Variants in NFIA observed in about 807,000 individuals in gnomAD.
The protein encoded by NFIA is nuclear factor 1 A-type.
Under a neutral mutation model 62.8 loss-of-function variants are expected in NFIA, and 8 were observed. The ratio of observed to expected loss-of-function variants is 0.13; its 90% CI spans 0.07 to 0.23. The LOEUF is 0.23. Ranked by LOEUF, NFIA falls within the 10% of genes least tolerant of loss-of-function variation. NFIA has a pLI of 1.00. For synonymous variants in NFIA, 235 were observed against 238.1 expected, an observed-to-expected ratio of 0.99 and a Z score of 0.12; for missense variants, 410 against 642.1, an observed-to-expected ratio of 0.64 and a Z score of 3.91.
chr1:61,432,436 A>G lies in NFIA; in HGVS notation c.1512+5880A>G, dbSNP rs181795229. Among the ~76,000 whole-genome samples the G allele has an allele frequency of 6.6e-4, 101 of 151,910 alleles. 1 individual carries two copies. Among genetic ancestry groups the G allele is most frequent in the Non-Finnish European group, 1.2e-3 (84 of 67,958 alleles). ...CCCACCCAAGCTCACTTGAGATTGCATTTCAGTTAGCTGACGCCATTCCCG... is the reference window on the plus strand; with the variant it reads ...CCCACCCAAGCTCACTTGAGATTGCGTTTCAGTTAGCTGACGCCATTCCCG... On this transcript the variant is annotated intron_variant, in intron 10 of 10. Coordinates refer to ENST00000403491, the MANE Select transcript of NFIA (RefSeq NM_001134673.4).
chr1:61,125,964 A>C (rs762653001), intron 2 of NFIA, among the ~76,000 whole-genome samples: 4 of 152,142 alleles, frequency 2.6e-5, no homozygotes, highest in Admixed American at 2.0e-4. Flanking sequence ...GTTTGCAGGA[A>C]CTCGTGTTGA....
chr1:61,084,514 A>G (rs563623722), intron 1 of NFIA, among the ~76,000 whole-genome samples: 2 of 152,302 alleles, frequency 1.3e-5, no homozygotes, highest in African/African-American at 2.4e-5. Flanking sequence ...ACTTCTGGCA[A>G]GGTTCACAAT....
intron 3 of NFIA, among the ~76,000 whole-genome samples, chr1:61,325,644 C>T (rs537265149): frequency 2.0e-5 from 3 of 152,158 alleles, no homozygotes; most frequent in Admixed American, 6.5e-5. Flanking sequence ...GAAGGCTAGG[C>T]GTGGTGGCTC....
chr1:61,146,160 C>T (rs1647924340), intron 2 of NFIA, among the ~76,000 whole-genome samples: 1 of 152,192 alleles, frequency 6.6e-6, no homozygotes, highest in African/African-American at 2.4e-5. Context: ...GCTCCGCTTC[C>T]TTCTCCTGGA....
At chr1:61,391,812 A>G (rs61770545) in intron 7 of NFIA, among the ~76,000 whole-genome samples, 2,421 of 152,284 alleles carry the variant, frequency 0.016, 26 homozygotes, top group Middle Eastern at 0.024. Context: ...CTCTTAGGAA[A>G]GCTTTTAACT....
At chr1:61,135,749 T>C (rs1647171559) in intron 2 of NFIA, among the ~76,000 whole-genome samples, 1 of 152,210 alleles carries the variant, frequency 6.6e-6, no homozygotes, top group Non-Finnish European at 1.5e-5. Flanking sequence ...ATATTGTTAG[T>C]GTTGACCACC....
intron 3 of NFIA, among the ~76,000 whole-genome samples, chr1:61,289,038 G>A (rs767168651): frequency 6.6e-6 from 1 of 152,166 alleles, no homozygotes; most frequent in African/African-American, 2.4e-5. Flanking sequence ...TCAAAGTGCT[G>A]GGGTCACAGG....
At chr1:61,321,073 G>A (rs995451554) in intron 3 of NFIA, among the ~76,000 whole-genome samples, 3 of 151,670 alleles carry the variant, frequency 2.0e-5, no homozygotes, top group Admixed American at 1.3e-4. Context: ...ATTCAAAACC[G>A]GGTTAATTAA....
chr1:61,436,162 A>G (rs1020757174), intron 10 of NFIA, among the ~76,000 whole-genome samples: 1 of 152,162 alleles, frequency 6.6e-6, no homozygotes, highest in Non-Finnish European at 1.5e-5. Flanking sequence ...TCTGTGAAAC[A>G]GTGCCCCCTG....
chr1:61,425,153 G>A (rs1666809545), intron 9 of NFIA, among the ~76,000 whole-genome samples: 1 of 152,192 alleles, frequency 6.6e-6, no homozygotes, highest in African/African-American at 2.4e-5. Flanking sequence ...ACATCCATGT[G>A]ACCATTGCAG....
chr1:61,220,955 A>G (rs550229263), intron 2 of NFIA, among the ~76,000 whole-genome samples: 3 of 152,342 alleles, frequency 2.0e-5, no homozygotes, highest in South Asian at 4.1e-4. Context: ...AGATACTTGC[A>G]GTGTGAATAC....
At chr1:61,173,449 G>A (rs1421903519) in intron 2 of NFIA, among the ~76,000 whole-genome samples, 3 of 152,042 alleles carry the variant, frequency 2.0e-5, no homozygotes, top group South Asian at 4.2e-4. Context: ...GTGCAGTGGC[G>A]TGATCTCGGC....
intron 2 of NFIA, among the ~76,000 whole-genome samples, chr1:61,106,938 A>C (rs1167329195): frequency 1.3e-5 from 2 of 149,974 alleles, no homozygotes; most frequent in African/African-American, 2.4e-5. Context: ...ATATATACAC[A>C]CATACATATA....
intron 1 of NFIA, among the ~76,000 whole-genome samples, chr1:61,086,366 C>T (rs1325751812): frequency 6.6e-6 from 1 of 152,040 alleles, no homozygotes; most frequent in African/African-American, 2.4e-5. Flanking sequence ...CTGTGACTTG[C>T]CCCCCATGCC....
At chr1:61,388,304 A>G (rs1664803391) in intron 7 of NFIA, among the ~76,000 whole-genome samples, 1 of 152,218 alleles carries the variant, frequency 6.6e-6, no homozygotes. Flanking sequence ...TTCTTTTACC[A>G]CTACTTAAAA....
chr1:61,443,769 C>T (rs576172525), intron 10 of NFIA, among the ~76,000 whole-genome samples: 7 of 152,170 alleles, frequency 4.6e-5, no homozygotes, highest in Non-Finnish European at 1.0e-4. Flanking sequence ...TGCTCTTTCT[C>T]CTGTGCCCTT....
At chr1:61,354,235 A>G (rs1662707187) in intron 5 of NFIA, among the ~76,000 whole-genome samples, 1 of 152,252 alleles carries the variant, frequency 6.6e-6, no homozygotes, top group Admixed American at 6.5e-5. Context: ...TATAACCTGC[A>G]TCAGTAGTTA....
intron 2 of NFIA, among the ~76,000 whole-genome samples, chr1:61,116,596 C>G (rs117587855): frequency 1.3e-5 from 2 of 151,800 alleles, no homozygotes; most frequent in African/African-American, 4.8e-5. Context: ...TGCATCCCAC[C>G]CAAATAAAGA....
chr1:61,356,638 A>C (rs1662970636), intron 5 of NFIA, among the ~76,000 whole-genome samples: 1 of 152,234 alleles, frequency 6.6e-6, no homozygotes, highest in Non-Finnish European at 1.5e-5. Flanking sequence ...CATTAGATGT[A>C]GTTTTACATA....
Sources: gnomAD v4.1 joint callset for allele counts (sites outside exome capture counted in the v4.1 genomes callset) on GRCh38, gnomAD v4.1.1 for gene constraint, MANE v1.5 for transcripts, NCBI Gene and HGNC (gene_info 2026-07-23, HGNC 2026-07-21) for gene names.